Variants in KCNQ2 observed in about 807,000 individuals in gnomAD.
The protein encoded by KCNQ2 is potassium voltage-gated channel subfamily Q member 2.
In KCNQ2, 14 loss-of-function variants were observed where a neutral mutation model predicts 84.8. That is an observed-to-expected ratio of 0.17 (90% CI 0.11 to 0.26). The LOEUF is 0.26. Ranked by LOEUF, KCNQ2 falls within the 10% of genes least tolerant of loss-of-function variation. KCNQ2 has a pLI of 1.00. For synonymous variants in KCNQ2, 599 were observed against 554.1 expected, an observed-to-expected ratio of 1.08 and a Z score of -1.14; for missense variants, 788 against 1,254.0, an observed-to-expected ratio of 0.63 and a Z score of 5.61.
At chr20:63,450,405 C>T (rs971793335) in intron 1 of KCNQ2, among the ~76,000 whole-genome samples, 24 of 146,478 alleles carry the variant, frequency 1.6e-4, no homozygotes, top group African/African-American at 4.8e-4. Flanking sequence ...TGCCTGCCCC[C>T]GCTCCCAGGG....
In KCNQ2 at chr20:63,433,861, G is replaced by A. The variant is rs1057516109; in HGVS notation, c.1066C>T (p.Leu356=). Residue 356 remains leucine (L), a synonymous_variant, in exon 8 of 17, where the codon CTG becomes TTG. Coordinates refer to ENST00000359125, the MANE Select transcript of KCNQ2 (RefSeq NM_172107.4). ...TCGTAGTACTGCCACGTGGAGTGCA[G>A]GTCTGTGCGCGAGAGGTTGGTGGCG... The part of the protein sequence containing the change: ...FYATNLSRTD[L]HSTWQYYERT... The A allele has an allele frequency of 6.2e-7, 1 of 1,613,948 alleles. No individual in the cohort carries two copies. The highest frequency in any genetic ancestry group is 1.1e-5 in the South Asian group (1 of 91,070).
chr20:63,433,917 G>C lies in KCNQ2; in HGVS notation c.1024-14C>G. 1 of 1,612,296 alleles carries C rather than the reference G, an allele frequency of 6.2e-7. No individual in the cohort carries two copies. The highest frequency in any genetic ancestry group is 8.5e-7 in the Non-Finnish European group (1 of 1,179,236). ...TCTCCAGGCCGACTGCGGAGGGAAA[G>C]ACAAGGCAGTTGGCGAGGGGCAGGC... is the stretch of plus-strand genomic sequence containing the variant. On this transcript the variant is annotated splice_polypyrimidine_tract_variant and intron_variant, in intron 7 of 16. Coordinates refer to ENST00000359125, the MANE Select transcript of KCNQ2 (RefSeq NM_172107.4).
chr20:63,408,444 A>C lies in KCNQ2; in HGVS notation c.1856T>G (p.Met619Arg). 1 of 1,609,522 alleles carries C rather than the reference A, an allele frequency of 6.2e-7. No homozygotes were observed. The highest frequency in any genetic ancestry group is 8.5e-7 in the Non-Finnish European group (1 of 1,179,134). ...CTCCACCTTCCCGAGCCGTCCCATC[A>C]TGCTGGGGTCCTCGGGCAGCTCCGC... is the stretch of plus-strand genomic sequence containing the variant. ...AEAELPEDPSMMGRLGKVEKQ... is the reference protein window; with the variant it reads ...AEAELPEDPSRMGRLGKVEKQ... Residue 619 changes from methionine (M) to arginine (R), a missense_variant, in exon 16 of 17, where the codon ATG becomes AGG. Transcript: ENST00000359125. This position sits in a 1 kb window ranked among gnomAD's most constrained non-coding sequence, Gnocchi z 5.0.
intron 8 of KCNQ2, among the ~76,000 whole-genome samples, chr20:63,432,733 C>T (rs1391512092): frequency 1.6e-5 from 2 of 125,220 alleles, no homozygotes; most frequent in South Asian, 5.1e-4. Flanking sequence ...GAAGGCTCCA[C>T]CCTCAGGGAA....
intron 1 of KCNQ2, among the ~76,000 whole-genome samples, chr20:63,464,953 C>G (rs2082045677): frequency 6.6e-6 from 1 of 152,246 alleles, no homozygotes; most frequent in Admixed American, 6.5e-5. Flanking sequence ...CAACTCAGAG[C>G]AGGTTACAGA....
At chr20:63,411,970 G>C (rs188358207) in intron 15 of KCNQ2, 3 of 676,678 alleles carry the variant, frequency 4.4e-6, no homozygotes, top group Admixed American at 2.3e-5. Flanking sequence ...TGGCGGAAAC[G>C]GAAGCAACAG....
rs529943494 is a variant in KCNQ2 at position 63,406,921 on chromosome 20, A to G, written c.2342T>C (p.Leu781Pro). 3 of 1,607,744 alleles carry G rather than the reference A, an allele frequency of 1.9e-6. No homozygotes were observed. The highest frequency in any genetic ancestry group is 4.5e-5 in the East Asian group (2 of 44,718). ...TPGCRPPEGN[L>P]RDSDTSISIP... ...GGAGATGGACGTGTCGCTGTCCCGC[A>G]GGTTCCCCTCGGGGGGCCTGCAGCC... Residue 781 changes from leucine to proline, a missense_variant, in exon 17 of 17, where the codon CTG (leucine) becomes CCG (proline). By Grantham distance (98) the Leu-to-Pro change is moderately conservative. Coordinates refer to ENST00000359125, the MANE Select transcript of KCNQ2 (RefSeq NM_172107.4).
chr20:63,453,132 C>T (rs1018498522), intron 1 of KCNQ2, among the ~76,000 whole-genome samples: 1 of 152,132 alleles, frequency 6.6e-6, no homozygotes, highest in African/African-American at 2.4e-5. Flanking sequence ...CGGTGGACGT[C>T]GGCACAGCAG....
At chr20:63,464,041 C>T (rs184069341) in intron 1 of KCNQ2, among the ~76,000 whole-genome samples, 2 of 152,292 alleles carry the variant, frequency 1.3e-5, no homozygotes, top group Admixed American at 1.3e-4. Context: ...CAAAGCCATT[C>T]CCAGCAACCC....
rs140217688 is a variant in KCNQ2, at chr20:63,408,477, G to A, written c.1823C>T (p.Pro608Leu). The part of the protein sequence containing the change: ...AITDKDRTKG[P>L]AEAELPEDPS... ...GTCCTCGGGCAGCTCCGCCTCGGCC[G>A]GGCCCTTGGTGCGGTCCTTGTCCGT... Residue 608 changes from proline (P) to leucine (L), a missense_variant, in exon 16 of 17, where the codon CCG (proline) becomes CTG (leucine). Physicochemically the swap from Pro to Leu is moderately conservative, Grantham distance 98. Coordinates refer to ENST00000359125, the MANE Select transcript of KCNQ2 (RefSeq NM_172107.4). This position sits in a 1 kb window ranked among gnomAD's most constrained non-coding sequence, Gnocchi z 5.0. 1.2e-5 allele frequency: 19 copies of A among 1,607,542 alleles called. No homozygotes were observed. Among genetic ancestry groups the A allele is most frequent in the Admixed American group, 3.4e-5 (2 of 59,456 alleles).
intron 1 of KCNQ2, chr20:63,459,368 G>A (rs1318758557): frequency 6.6e-6 from 1 of 152,212 alleles, no homozygotes; most frequent in Non-Finnish European, 1.5e-5. Context: ...ATTTAAGTTA[G>A]CCAGATGTGG....
intron 1 of KCNQ2, chr20:63,449,465 AAAC>A (rs1290576938): frequency 1.3e-5 from 2 of 152,388 alleles, no homozygotes; most frequent in African/African-American, 4.8e-5. Flanking sequence ...AAAAAGGAAA[AAAC>A]AAGTCCTCGA....
intron 4 of KCNQ2, among the ~76,000 whole-genome samples, chr20:63,443,373 CCACCAT>C (rs1568937522): frequency 3.8e-4 from 8 of 20,818 alleles, no homozygotes; most frequent in South Asian, 1.3e-3. Context: ...ACCATCATCA[CCACCAT>C]CATCACCACC....
Position 63,406,437 on chromosome 20 carries a change from C to T in KCNQ2, c.*207G>A. On this transcript the variant is annotated 3_prime_UTR_variant, in exon 17 of 17. Transcript: ENST00000359125. ...CCTGGAGCCACAGGGCCCTGCCCAG[C>T]CCTCCAGCCCCTGTTGGAAAATAAC... The T allele has an allele frequency of 1.5e-6, 1 of 648,822 alleles. No individual in the cohort carries two copies. The highest frequency in any genetic ancestry group is 2.6e-6 in the Non-Finnish European group (1 of 387,628). 40.2% of individuals were successfully genotyped at this position (648,822 alleles called of 1,614,324 possible).
intron 1 of KCNQ2, among the ~76,000 whole-genome samples, chr20:63,465,525 C>T (rs1346828842): frequency 6.6e-6 from 1 of 152,230 alleles, no homozygotes; most frequent in East Asian, 1.9e-4. Flanking sequence ...AGGCAGGAAC[C>T]AGAACCCACT....
At position 63,442,469 on chromosome 20, in the gene KCNQ2, G is replaced by A; in HGVS notation, c.753C>T (p.Tyr251=). Residue 251 remains tyrosine, a synonymous_variant, in exon 5 of 17, where the codon TAC becomes TAT. Transcript: ENST00000359125. ...LCLILASFLV[Y]LAEKGENDHF... is the part of the protein sequence containing the mutation. ...GGTCGTTCTCCCCCTTCTCTGCCAA[G>A]TACACCAGGAACGAGGCCAGGATGA... The A allele has an allele frequency of 1.2e-6, 2 of 1,613,734 alleles. No homozygotes were observed. The highest frequency in any genetic ancestry group is 1.7e-6 in the Non-Finnish European group (2 of 1,179,948).
chr20:63,443,412 CCAT>C (rs2081311778), intron 4 of KCNQ2, among the ~76,000 whole-genome samples: 3 of 24,620 alleles, frequency 1.2e-4, no homozygotes, highest in African/African-American at 3.3e-4. Context: ...ACCACCATCA[CCAT>C]CACCACCATC....
intron 1 of KCNQ2, among the ~76,000 whole-genome samples, chr20:63,465,983 C>T (rs1229365581): frequency 6.6e-6 from 1 of 152,202 alleles, no homozygotes; most frequent in Non-Finnish European, 1.5e-5. Context: ...GCGCGGTCTG[C>T]GTGGAAACTA....
At chr20:63,457,235 C>T (rs186202345) in intron 1 of KCNQ2, among the ~76,000 whole-genome samples, 105 of 152,346 alleles carry the variant, frequency 6.9e-4, no homozygotes, top group Middle Eastern at 3.4e-3. Context: ...CGCGTGGAGC[C>T]GCCTCATGCT....
Sources: allele counts gnomAD v4.1 joint callset (sites outside exome capture counted in the v4.1 genomes callset), GRCh38; gene constraint gnomAD v4.1.1; non-coding constraint Gnocchi (gnomAD v3.1); transcripts MANE v1.5; gene names NCBI Gene and HGNC (gene_info 2026-07-23, HGNC 2026-07-21).